CSMD1: variants seen among roughly 807,000 people sequenced by gnomAD.
CSMD1 encodes the protein CUB and Sushi multiple domains 1.
In CSMD1, 213 loss-of-function variants were observed where a neutral mutation model predicts 417.5. The observed-to-expected ratio is 0.51, with a 90% CI of 0.46 to 0.57. The LOEUF (loss-of-function observed/expected upper bound fraction) is 0.57, where lower values mean the gene tolerates loss of function less well. Ranked by LOEUF, CSMD1 falls within the 20% of genes least tolerant of loss-of-function variation. CSMD1 has a pLI of 0.00. For synonymous variants in CSMD1, 2,862 were observed against 1,736.8 expected (o/e 1.65, Z -16.11); for missense variants, 6,923 against 4,529.7 (o/e 1.53, Z -15.17).
chr8:4,834,971 AAAAAAAAAAG>A (rs2116738487), intron 1 of CSMD1, among the ~76,000 whole-genome samples: 1 of 44,544 alleles, frequency 2.2e-5, no homozygotes, highest in African/African-American at 4.2e-5. Context: ...AAAAAAAAAA[AAAAAAAAAAG>A]AAAGAAAGAA....
At chr8:2,973,999 T>C (rs1804696710) in intron 56 of CSMD1, among the ~76,000 whole-genome samples, 1 of 139,614 alleles carries the variant, frequency 7.2e-6, no homozygotes, top group Admixed American at 6.9e-5. Flanking sequence ...TAGAGGATGA[T>C]GGTAGAGGAT....
At chr8:4,291,657 T>G (rs963622476) in intron 3 of CSMD1, among the ~76,000 whole-genome samples, 1 of 152,196 alleles carries the variant, frequency 6.6e-6, no homozygotes, top group African/African-American at 2.4e-5. Flanking sequence ...ATGGAGAACA[T>G]TTCCTACCAG....
At chr8:4,342,463 A>G (rs1800535349) in intron 3 of CSMD1, among the ~76,000 whole-genome samples, 1 of 152,096 alleles carries the variant, frequency 6.6e-6, no homozygotes, top group South Asian at 2.1e-4. Context: ...AGCAGACAAT[A>G]AACTGGCAGA....
intron 2 of CSMD1, among the ~76,000 whole-genome samples, chr8:4,579,367 T>G (rs1799303041): frequency 6.6e-6 from 1 of 151,884 alleles, no homozygotes; most frequent in Admixed American, 6.6e-5. Context: ...TGTGTGTGTT[T>G]GTGTATGTTT....
chr8:3,604,841 G>C (rs1801533155), intron 8 of CSMD1, among the ~76,000 whole-genome samples: 1 of 152,102 alleles, frequency 6.6e-6, no homozygotes, highest in South Asian at 2.1e-4. Flanking sequence ...AGACAACAGT[G>C]AGAGTTATCT....
intron 5 of CSMD1, among the ~76,000 whole-genome samples, chr8:3,860,085 G>C (rs766504341): frequency 2.0e-5 from 3 of 152,046 alleles, no homozygotes; most frequent in African/African-American, 7.2e-5. Flanking sequence ...TGGATAATAG[G>C]TCACACTTTA....
intron 23 of CSMD1, among the ~76,000 whole-genome samples, chr8:3,333,513 T>C (rs1250010730): frequency 6.6e-6 from 1 of 152,246 alleles, no homozygotes; most frequent in African/African-American, 2.4e-5. Context: ...TAAGCTTTTA[T>C]TTACAAATGA....
At chr8:3,486,983 C>G (rs953042711) in intron 11 of CSMD1, among the ~76,000 whole-genome samples, 13 of 152,110 alleles carry the variant, frequency 8.5e-5, no homozygotes, top group African/African-American at 3.1e-4. Flanking sequence ...CTACTCAATC[C>G]TCCTTGATCC....
intron 3 of CSMD1, among the ~76,000 whole-genome samples, chr8:4,057,251 T>G (rs546432513): frequency 3.3e-4 from 50 of 152,300 alleles, no homozygotes; most frequent in South Asian, 2.3e-3. Context: ...GGTATCTCAT[T>G]GTGGTTTTGA....
At chr8:4,792,502 A>T (rs968146283) in intron 1 of CSMD1, among the ~76,000 whole-genome samples, 1 of 152,168 alleles carries the variant, frequency 6.6e-6, no homozygotes, top group African/African-American at 2.4e-5. Flanking sequence ...TTCCCTGGGC[A>T]GTTGTGGTTG....
At chr8:4,009,090 G>C (rs978038898) in intron 4 of CSMD1, among the ~76,000 whole-genome samples, 10 of 152,110 alleles carry the variant, frequency 6.6e-5, no homozygotes, top group Admixed American at 5.9e-4. Context: ...TGAAGAAAAT[G>C]TTGTGCAGTT....
At chr8:3,662,014 G>A (rs1015700008) in intron 7 of CSMD1, among the ~76,000 whole-genome samples, 14 of 152,190 alleles carry the variant, frequency 9.2e-5, no homozygotes, top group African/African-American at 3.4e-4. Flanking sequence ...GATGGAAGAA[G>A]CGGGGGATTT....
At chr8:4,816,132 G>C (rs142949259) in intron 1 of CSMD1, among the ~76,000 whole-genome samples, 3 of 152,122 alleles carry the variant, frequency 2.0e-5, no homozygotes, top group South Asian at 2.1e-4. Flanking sequence ...CAGACTTCAA[G>C]TTTGTCTGAG....
chr8:4,446,599 G>C (rs963836168), intron 2 of CSMD1, among the ~76,000 whole-genome samples: 6 of 152,106 alleles, frequency 3.9e-5, no homozygotes, highest in African/African-American at 1.4e-4. Flanking sequence ...TGTCACCCAG[G>C]CTGCAGTGCA....
At chr8:4,627,352 G>T (rs1802179033) in intron 2 of CSMD1, among the ~76,000 whole-genome samples, 1 of 151,930 alleles carries the variant, frequency 6.6e-6, no homozygotes, top group South Asian at 2.1e-4. Flanking sequence ...GAAAAATCTG[G>T]GAAACTATTT....
intron 26 of CSMD1, among the ~76,000 whole-genome samples, chr8:3,254,834 G>A (rs569520823): frequency 6.6e-6 from 1 of 151,834 alleles, no homozygotes; most frequent in Non-Finnish European, 1.5e-5. Flanking sequence ...CTTTAGCTCG[G>A]GGTCGTTTGC....
intron 1 of CSMD1, among the ~76,000 whole-genome samples, chr8:4,735,223 C>T (rs1042985830): frequency 5.3e-5 from 8 of 152,096 alleles, no homozygotes; most frequent in African/African-American, 7.2e-5. Flanking sequence ...ATACCAAATG[C>T]GAGAGGATAC....
intron 2 of CSMD1, among the ~76,000 whole-genome samples, chr8:4,504,708 C>T (rs372672790): frequency 1.3e-5 from 2 of 152,122 alleles, no homozygotes; most frequent in Non-Finnish European, 2.9e-5. Context: ...GTTCAACTCC[C>T]ACTTATGAGT....
intron 5 of CSMD1, among the ~76,000 whole-genome samples, chr8:3,931,410 G>A (rs940700912): frequency 2.0e-5 from 3 of 150,120 alleles, no homozygotes; most frequent in Non-Finnish European, 4.4e-5. Flanking sequence ...ACCCATTCTG[G>A]GTATTGTGGA....
Sources: gnomAD v4.1 joint callset for allele counts (sites outside exome capture counted in the v4.1 genomes callset) on GRCh38, gnomAD v4.1.1 for gene constraint, MANE v1.5 for transcripts, NCBI Gene and HGNC (gene_info 2026-07-23, HGNC 2026-07-21) for gene names.